EPHA6: variants seen among roughly 807,000 people sequenced by gnomAD.
EPHA6 encodes the protein ephrin type-A receptor 6.
Under a neutral mutation model 112.0 loss-of-function variants are expected in EPHA6, and 50 were observed. That is an observed-to-expected ratio of 0.45 (90% CI 0.36 to 0.56). The LOEUF (loss-of-function observed/expected upper bound fraction) is 0.56. Ranked by LOEUF, EPHA6 falls within the 20% of genes least tolerant of loss-of-function variation. EPHA6 has a pLI of 0.00. For missense variants in EPHA6, 1,280 were observed against 1,417.4 expected, an observed-to-expected ratio of 0.90 and a Z score of 1.56; for synonymous variants, 529 against 490.7, an observed-to-expected ratio of 1.08 and a Z score of -1.03.
intron 10 of EPHA6, among the ~76,000 whole-genome samples, chr3:97,509,315 G>A (rs1261109292): frequency 6.6e-6 from 1 of 151,940 alleles, no homozygotes; most frequent in Non-Finnish European, 1.5e-5. Context: ...TTTTTGCAGT[G>A]GCCGGTACCG....
chr3:97,583,793 G>T (rs191348659), intron 11 of EPHA6, among the ~76,000 whole-genome samples: 5 of 152,246 alleles, frequency 3.3e-5, no homozygotes, highest in Non-Finnish European at 7.4e-5. Context: ...TGACTAGAAA[G>T]TTTATAGAGA....
chr3:97,563,092 T>C (rs1412964758), intron 11 of EPHA6, among the ~76,000 whole-genome samples: 1 of 152,194 alleles, frequency 6.6e-6, no homozygotes, highest in Admixed American at 6.5e-5. Context: ...ATATTTACTT[T>C]ATTGCAGTGG....
intron 2 of EPHA6, among the ~76,000 whole-genome samples, chr3:96,897,207 TACAAACACAC>T (rs1559810613): frequency 7.5e-6 from 1 of 132,698 alleles, no homozygotes; most frequent in African/African-American, 3.6e-5. Context: ...TCTGTGTATA[TACAAACACAC>T]ACACACACAC....
rs147814957 is a variant in EPHA6, at chr3:96,816,122, C to A, written c.385+1114C>A. On this transcript the variant is annotated intron_variant, in intron 1 of 17. Coordinates refer to ENST00000389672, the MANE Select transcript of EPHA6 (RefSeq NM_001080448.3). The stretch of plus-strand genomic sequence containing the variant: ...GGAGAAGGTTAAGGGAGAAGATAAA[C>A]AACACAGCATTCTTCTTTGTCATCA... Among the ~76,000 whole-genome samples the A allele has an allele frequency of 3.1e-3, 470 of 152,230 alleles. 6 individuals are homozygous for A. Among genetic ancestry groups the A allele is most frequent in the African/African-American group, 0.011 (452 of 41,556 alleles).
chr3:97,513,467 A>G (rs1034258729), intron 10 of EPHA6, among the ~76,000 whole-genome samples: 2 of 152,220 alleles, frequency 1.3e-5, no homozygotes, highest in African/African-American at 4.8e-5. Context: ...GATGTGGTAT[A>G]TGTACACAAT....
At chr3:97,164,451 C>T (rs1430659137) in intron 3 of EPHA6, among the ~76,000 whole-genome samples, 1 of 152,036 alleles carries the variant, frequency 6.6e-6, no homozygotes, top group Non-Finnish European at 1.5e-5. Flanking sequence ...TGTTCAATTT[C>T]TGAAAGTTTA....
chr3:97,345,443 T>G (rs932203572), intron 5 of EPHA6, among the ~76,000 whole-genome samples: 1 of 152,100 alleles, frequency 6.6e-6, no homozygotes, highest in Non-Finnish European at 1.5e-5. Flanking sequence ...ATAAAATAAC[T>G]GACACATAAA....
At chr3:97,069,737 T>C (rs2046295407) in intron 3 of EPHA6, among the ~76,000 whole-genome samples, 1 of 152,160 alleles carries the variant, frequency 6.6e-6, no homozygotes, top group Non-Finnish European at 1.5e-5. Context: ...GTATCAAAAA[T>C]GTTTTTTAAT....
At chr3:96,868,173 TGTGA>T (rs953233099) in intron 2 of EPHA6, among the ~76,000 whole-genome samples, 2 of 145,338 alleles carry the variant, frequency 1.4e-5, no homozygotes, top group African/African-American at 2.8e-5. Context: ...TGTGTGTGTG[TGTGA>T]GAGAGAGAGA....
At chr3:97,631,696 G>T (rs764875696) in intron 13 of EPHA6, among the ~76,000 whole-genome samples, 11 of 151,898 alleles carry the variant, frequency 7.2e-5, no homozygotes, top group Non-Finnish European at 1.5e-4. Context: ...ATTGTGAAGG[G>T]TATCCTCTAA....
intron 5 of EPHA6, among the ~76,000 whole-genome samples, chr3:97,263,044 A>G (rs79033107): frequency 0.076 from 11,583 of 152,272 alleles, 992 homozygotes; most frequent in Admixed American, 0.21. Context: ...CTAGCTATAA[A>G]TGTCAAATAT....
intron 2 of EPHA6, among the ~76,000 whole-genome samples, chr3:96,946,416 C>T (rs146379559): frequency 6.7e-6 from 1 of 149,446 alleles, no homozygotes; most frequent in East Asian, 2.1e-4. Context: ...TGAGTGAGAA[C>T]ATGCGGTGTT....
intron 3 of EPHA6, among the ~76,000 whole-genome samples, chr3:97,169,997 A>G (rs969569594): frequency 6.6e-6 from 1 of 152,122 alleles, no homozygotes; most frequent in Admixed American, 6.5e-5. Context: ...GCACATTAGG[A>G]CAAATACCTA....
chr3:97,242,006 C>T (rs72924444), intron 4 of EPHA6, among the ~76,000 whole-genome samples: 3,336 of 151,676 alleles, frequency 0.022, 126 homozygotes, highest in African/African-American at 0.07. Flanking sequence ...TAAAAAGCTA[C>T]GTTTATCCCT....
At chr3:97,732,144 C>T (rs2107836124) in intron 15 of EPHA6, among the ~76,000 whole-genome samples, 1 of 151,944 alleles carries the variant, frequency 6.6e-6, no homozygotes, top group African/African-American at 2.4e-5. Context: ...CCAAATCATT[C>T]GTGATCTCAA....
At chr3:96,843,570 A>T (rs975351308) in intron 1 of EPHA6, among the ~76,000 whole-genome samples, 2 of 152,020 alleles carry the variant, frequency 1.3e-5, no homozygotes, top group African/African-American at 4.8e-5. Flanking sequence ...TAGCAATAGG[A>T]GTAATGAAGT....
chr3:96,904,822 T>C (rs1326799553), intron 2 of EPHA6, among the ~76,000 whole-genome samples: 2 of 152,108 alleles, frequency 1.3e-5, no homozygotes, highest in African/African-American at 4.8e-5. Flanking sequence ...GATGATGACA[T>C]GCATAAGCTT....
At chr3:97,682,457 A>G (rs1265659912) in intron 14 of EPHA6, among the ~76,000 whole-genome samples, 1 of 152,058 alleles carries the variant, frequency 6.6e-6, no homozygotes, top group East Asian at 1.9e-4. Flanking sequence ...TTTTTTCTAT[A>G]TATAATTGAC....
intron 3 of EPHA6, among the ~76,000 whole-genome samples, chr3:97,115,063 C>A (rs1427905852): frequency 6.6e-6 from 1 of 151,874 alleles, no homozygotes; most frequent in African/African-American, 2.4e-5. Flanking sequence ...AAATAGGCTA[C>A]ATGGTGTGTA....
Sources: allele counts gnomAD v4.1 joint callset (sites outside exome capture counted in the v4.1 genomes callset), GRCh38; gene constraint gnomAD v4.1.1; transcripts MANE v1.5; gene names NCBI Gene and HGNC (gene_info 2026-07-23, HGNC 2026-07-21).